ATG10: variants seen among roughly 807,000 people sequenced by gnomAD.
ATG10 encodes ubiquitin-like-conjugating enzyme ATG10.
A neutral mutation model predicts 32.1 loss-of-function variants in ATG10; 30 were observed. The ratio of observed to expected loss-of-function variants is 0.94; its 90% CI spans 0.70 to 1.27. ATG10 has a LOEUF of 1.27. Ranked by LOEUF, ATG10 falls within the 50% of genes most tolerant of loss-of-function variation. The probability of loss-of-function intolerance (pLI) is 0.00; values close to 1 mark genes in which losing one functional copy is unlikely to be tolerated. For missense variants in ATG10, 233 were observed against 262.3 expected, an observed-to-expected ratio of 0.89 and a Z score of 0.77; for synonymous variants, 87 against 91.5, an observed-to-expected ratio of 0.95 and a Z score of 0.28.
At chr5:82,210,605 T>C (rs1403744037) in intron 5 of ATG10, among the ~76,000 whole-genome samples, 2 of 152,234 alleles carry the variant, frequency 1.3e-5, no homozygotes, top group African/African-American at 4.8e-5. Flanking sequence ...TGTAACACTC[T>C]GATGCCTTCA....
intron 2 of ATG10, among the ~76,000 whole-genome samples, chr5:82,018,343 A>G (rs543077840): frequency 1.3e-5 from 2 of 152,242 alleles, no homozygotes; most frequent in African/African-American, 4.8e-5. Context: ...ACCATCTGTC[A>G]TCATCTTCCC....
At chr5:82,128,110 A>AT (rs1234355787) in intron 3 of ATG10, among the ~76,000 whole-genome samples, 1 of 151,044 alleles carries the variant, frequency 6.6e-6, no homozygotes, top group Non-Finnish European at 1.5e-5. Flanking sequence ...GCAACCCCTG[A>AT]TTTTTTGTTT....
At chr5:81,973,807 A>G (rs1202848203) in intron 1 of ATG10, among the ~76,000 whole-genome samples, 1 of 152,236 alleles carries the variant, frequency 6.6e-6, no homozygotes, top group Admixed American at 6.5e-5. Context: ...AATTAAAATT[A>G]AAGTCTTGCA....
chr5:82,002,647 T>G (rs1761881817), intron 2 of ATG10, among the ~76,000 whole-genome samples: 1 of 151,818 alleles, frequency 6.6e-6, no homozygotes, highest in Non-Finnish European at 1.5e-5. Context: ...TATGTGAAGG[T>G]GGAGGGAGAG....
At chr5:82,180,361 A>C (rs1044572764) in intron 5 of ATG10, among the ~76,000 whole-genome samples, 1 of 152,148 alleles carries the variant, frequency 6.6e-6, no homozygotes, top group Non-Finnish European at 1.5e-5. Flanking sequence ...CCTCTCATAC[A>C]TTCCCTTCTC....
chr5:82,239,466 A>C (rs1746697619), intron 5 of ATG10, among the ~76,000 whole-genome samples: 1 of 152,188 alleles, frequency 6.6e-6, no homozygotes, highest in African/African-American at 2.4e-5. Flanking sequence ...TCAGTTGCCT[A>C]TATGGAACAG....
chr5:82,128,756 G>A (rs1469998499), intron 3 of ATG10, among the ~76,000 whole-genome samples: 1 of 147,004 alleles, frequency 6.8e-6, no homozygotes, highest in Non-Finnish European at 1.5e-5. Context: ...TCCCTTTGTG[G>A]GTAACCCGAC....
chr5:81,972,852 CT>C (rs1760764005), intron 1 of ATG10, among the ~76,000 whole-genome samples: 1 of 151,940 alleles, frequency 6.6e-6, no homozygotes, highest in Non-Finnish European at 1.5e-5. Context: ...TTTATAGAAA[CT>C]TTTAGTGGCG....
At chr5:82,199,150 A>G (rs1017499510) in intron 5 of ATG10, among the ~76,000 whole-genome samples, 7 of 152,236 alleles carry the variant, frequency 4.6e-5, no homozygotes, top group Admixed American at 3.9e-4. Context: ...AAAGAAAACA[A>G]GGTAAGGAAT....
At chr5:82,225,577 T>G (rs1040972992) in intron 5 of ATG10, among the ~76,000 whole-genome samples, 1 of 152,214 alleles carries the variant, frequency 6.6e-6, no homozygotes, top group African/African-American at 2.4e-5. Flanking sequence ...CAAAATGGCC[T>G]TGACCTCATT....
At chr5:82,090,378 GAATGGTTA>G (rs1230704592) in intron 3 of ATG10, among the ~76,000 whole-genome samples, 1 of 152,086 alleles carries the variant, frequency 6.6e-6, no homozygotes, top group Non-Finnish European at 1.5e-5. Context: ...TTTAATGGGT[GAATGGTTA>G]AACAAACTGT....
chr5:81,985,342 C>G (rs1280766340), intron 1 of ATG10, among the ~76,000 whole-genome samples: 1 of 152,202 alleles, frequency 6.6e-6, no homozygotes, highest in Admixed American at 6.5e-5. Flanking sequence ...TCTTCTCTTG[C>G]TAGTCTAGTT....
Position 81,987,646 on chromosome 5 carries a change from A to G in ATG10, c.76A>G (p.Ile26Val). ...CAEFIKHSQQ[I>V]GDSWEWRPSK... is the part of the protein sequence containing the mutation. ...AGAATTCATTAAACATTCACAACAGATAGGTGATAGTTGGGAATGGAGACC... is the reference window on the plus strand; with the variant it reads ...AGAATTCATTAAACATTCACAACAGGTAGGTGATAGTTGGGAATGGAGACC... The change falls in exon 2 of 8, where the codon ATA (isoleucine) becomes GTA (valine). Residue 26 changes from isoleucine to valine, a missense_variant. Ile to Val is a conservative substitution (Grantham distance 29). Coordinates refer to ENST00000282185, the MANE Select transcript of ATG10 (RefSeq NM_031482.5). The G allele has an allele frequency of 6.2e-7, 1 of 1,612,246 alleles. No individual in the cohort carries two copies. The highest frequency in any genetic ancestry group is 8.5e-7 in the Non-Finnish European group (1 of 1,179,202).
chr5:82,071,176 G>T (rs1399455028), intron 3 of ATG10, among the ~76,000 whole-genome samples: 1 of 152,146 alleles, frequency 6.6e-6, no homozygotes, highest in African/African-American at 2.4e-5. Flanking sequence ...CCAGAGAGGA[G>T]GCATGGGGCT....
rs1762082779 is a variant in ATG10, at chr5:82,009,913, T to G, written c.108+22235T>G. On this transcript the variant is annotated intron_variant, in intron 2 of 7. Transcript: ENST00000282185. Reference sequence around the variant, plus strand: ...CGTGTGAAGTCACCACCCTGACACATAAACCCTGGAATAATTCTGTGAAAG... The same window carrying G: ...CGTGTGAAGTCACCACCCTGACACAGAAACCCTGGAATAATTCTGTGAAAG... 7 of 1,610,760 alleles carry G rather than the reference T, an allele frequency of 4.3e-6. No homozygotes were observed. The South Asian group carries it at 4.4e-5, about 10-fold the overall frequency.
At chr5:82,241,604 GT>G (rs1312480085) in intron 5 of ATG10, among the ~76,000 whole-genome samples, 1 of 151,986 alleles carries the variant, frequency 6.6e-6, no homozygotes, top group Non-Finnish European at 1.5e-5. Flanking sequence ...CTGCCCTAGG[GT>G]TTTAGGATCT....
At chr5:81,979,397 G>A (rs190552382) in intron 1 of ATG10, among the ~76,000 whole-genome samples, 3 of 152,144 alleles carry the variant, frequency 2.0e-5, no homozygotes, top group Non-Finnish European at 2.9e-5. Context: ...GCGTGGTGGC[G>A]GGCCCCTGTA....
At chr5:81,994,244 A>G (rs1316344126) in intron 2 of ATG10, among the ~76,000 whole-genome samples, 1 of 152,190 alleles carries the variant, frequency 6.6e-6, no homozygotes, top group Non-Finnish European at 1.5e-5. Context: ...TCCATCACAG[A>G]GTATTCCAGG....
chr5:82,079,215 A>G (rs1764383001), intron 3 of ATG10, among the ~76,000 whole-genome samples: 1 of 152,248 alleles, frequency 6.6e-6, no homozygotes, highest in South Asian at 2.1e-4. Context: ...ATAGAGATAT[A>G]CCCGAGACTA....
Sources: gnomAD v4.1 joint callset for allele counts (sites outside exome capture counted in the v4.1 genomes callset) on GRCh38, gnomAD v4.1.1 for gene constraint, MANE v1.5 for transcripts, NCBI Gene and HGNC (gene_info 2026-07-23, HGNC 2026-07-21) for gene names.